The following GMPPA variants were observed in gnomAD, a reference collection of about 807,000 sequenced individuals.
The protein encoded by GMPPA is GDP-mannose pyrophosphorylase A.
Under a neutral mutation model 58.6 loss-of-function variants are expected in GMPPA, and 46 were observed. That is an observed-to-expected ratio of 0.78 (90% CI 0.62 to 1.00). GMPPA has a LOEUF of 1.00. Among genes scored for constraint, GMPPA ranks in the 50% least tolerant of loss-of-function variants. The pLI is 0.00. For synonymous variants in GMPPA, 211 were observed against 214.9 expected (o/e 0.98, Z 0.16); for missense variants, 468 against 556.4 (o/e 0.84, Z 1.60).
At position 219,505,258 on chromosome 2, in the gene GMPPA, A is replaced by G; in HGVS notation, c.651A>G (p.Ala217=). The G allele has an allele frequency of 6.2e-7, 1 of 1,614,084 alleles. No individual in the cohort carries two copies. The highest frequency in any genetic ancestry group is 8.5e-7 in the Non-Finnish European group (1 of 1,179,932). The stretch of plus-strand genomic sequence containing the variant: ...ACTCACCAGGCTTGTGGCCAGGGGC[A>G]GGTACCATCCGCCTAGAGCAGGATG... ...LEDSPGLWPG[A]GTIRLEQDVF... Residue 217 remains alanine, a synonymous_variant, in exon 8 of 13, where the codon GCA becomes GCG. Coordinates refer to ENST00000313597, the MANE Select transcript of GMPPA (RefSeq NM_013335.4).
chr2:219,506,287 T>A lies in GMPPA; in HGVS notation c.1027T>A (p.Trp343Arg). 6.2e-7 allele frequency: 1 copy of A among 1,613,690 alleles called. No homozygotes were observed. Among genetic ancestry groups the A allele is most frequent in the Non-Finnish European group, 8.5e-7 (1 of 1,179,810 alleles). ...HTCVLHSIVGWGSTVGRWARV... is the reference protein window; with the variant it reads ...HTCVLHSIVGRGSTVGRWARV... ...GTGTGTTCTGCATAGCATCGTGGGCTGGGGGAGCACCGTGGGACGCTGGGC... is the reference window on the plus strand; with the variant it reads ...GTGTGTTCTGCATAGCATCGTGGGCAGGGGGAGCACCGTGGGACGCTGGGC... The change falls in exon 12 of 13, where the codon TGG (tryptophan) becomes AGG (arginine). Residue 343 changes from tryptophan (W) to arginine (R), a missense_variant. Coordinates refer to ENST00000313597, the MANE Select transcript of GMPPA (RefSeq NM_013335.4).
At chr2:219,503,661 T>TG (rs1230030297) in intron 6 of GMPPA, among the ~76,000 whole-genome samples, 1 of 152,044 alleles carries the variant, frequency 6.6e-6, no homozygotes, top group Non-Finnish European at 1.5e-5. Flanking sequence ...GGGTGAGGCG[T>TG]GGCCAGAGTT....
Position 219,502,396 on chromosome 2 carries a change from A to G in GMPPA, c.444A>G (p.Gln148=), listed in dbSNP as rs955671286. The part of the protein sequence containing the change: ...LLLGTTANRT[Q]SLNYGCIVEN... ...CTGTCTTTCAGGCTAACAGGACGCA[A>G]TCCCTCAACTACGGCTGCATCGTTG... The change falls in exon 6 of 13, where the codon CAA becomes CAG. Residue 148 remains glutamine (Q), a synonymous_variant. Coordinates refer to ENST00000313597, the MANE Select transcript of GMPPA (RefSeq NM_013335.4). The surrounding 1 kb of genome is among the most constrained non-coding windows in gnomAD (Gnocchi z 4.0). 10 of 1,613,820 alleles carry G rather than the reference A, an allele frequency of 6.2e-6. No individual in the cohort carries two copies. The highest frequency in any genetic ancestry group is 1.3e-5 in the African/African-American group (1 of 74,888).
chr2:219,505,092 G>C, intron 7 of GMPPA, 136 bp from the exon 8 acceptor site: 1 of 1,044,332 alleles, frequency 9.6e-7, no homozygotes, highest in Non-Finnish European at 1.4e-6. Context: ...ATCCCAGAGA[G>C]GGCCGAACCA....
In GMPPA at chr2:219,504,047, C is replaced by G. The variant is rs373568790; in HGVS notation, c.490-36C>G. 1.2e-4 allele frequency: 195 copies of G among 1,612,646 alleles called. 1 individual carries two copies. The highest frequency in any genetic ancestry group is 2.7e-5 in the Non-Finnish European group (32 of 1,179,038). On this transcript the variant is annotated intron_variant, in intron 6 of 12. Transcript: ENST00000313597. The stretch of plus-strand genomic sequence containing the variant: ...GTCTTAGGGGACTGTGGCGGTAGTC[C>G]CTTCTTCTACTGAACCCAGCCTGCT...
chr2:219,506,075 A>C lies in GMPPA; in HGVS notation c.993+3A>C. ...TCCTCCATGGAGCCACTTTGCAGGT[A>C]GGTACCAGCATACACAGCAGCATGT... On this transcript the variant is annotated splice_donor_region_variant and intron_variant, in intron 11 of 12. Transcript: ENST00000313597. The C allele has an allele frequency of 6.4e-7, 1 of 1,571,300 alleles. No individual in the cohort carries two copies. Among genetic ancestry groups the C allele is most frequent in the Non-Finnish European group, 8.7e-7 (1 of 1,150,072 alleles).
intron 7 of GMPPA, chr2:219,504,948 A>C: frequency 6.1e-6 from 6 of 975,774 alleles, no homozygotes; most frequent in South Asian, 2.5e-5. Context: ...GGGGATGAGA[A>C]TGTGAAAATG....
At chr2:219,499,454 G>A (rs960528046) in intron 1 of GMPPA, among the ~76,000 whole-genome samples, 1 of 152,150 alleles carries the variant, frequency 6.6e-6, no homozygotes, top group Non-Finnish European at 1.5e-5. Flanking sequence ...GAATGAAGAC[G>A]CAACACTTTG....
chr2:219,501,744 C>T, intron 4 of GMPPA, 107 bp from the exon 5 acceptor site: 2 of 1,008,700 alleles, frequency 2.0e-6, no homozygotes, highest in Non-Finnish European at 3.1e-6. Context: ...CTCTGTGGGC[C>T]TTGGGCAGGA....
intron 3 of GMPPA, 174 bp downstream of exon 3, chr2:219,500,392 C>A (rs749169458): frequency 2.6e-5 from 16 of 607,586 alleles, no homozygotes; most frequent in Non-Finnish European, 3.8e-5. Context: ...CTGCTGTCTT[C>A]CCCTAATCTA....
rs1694613659 is a variant in GMPPA at position 219,506,874 on chromosome 2, G to A, written c.*76G>A. On this transcript the variant is annotated 3_prime_UTR_variant, in exon 13 of 13. Transcript: ENST00000313597. ...TGCCTGCTTGGCCAGCCTCTGTCCAGAAAGGACCAGAGAAAGCCAGGCTGG... is the reference window on the plus strand; with the variant it reads ...TGCCTGCTTGGCCAGCCTCTGTCCAAAAAGGACCAGAGAAAGCCAGGCTGG... The A allele has an allele frequency of 1.3e-6, 1 of 759,740 alleles. No homozygotes were observed. The highest frequency in any genetic ancestry group is 1.7e-5 in the African/African-American group (1 of 58,176). 47.1% of individuals were successfully genotyped at this position (759,740 alleles called of 1,614,324 possible).
Position 219,501,488 on chromosome 2 carries a change from CA to C in GMPPA, c.152del (p.Gln51ArgfsTer19). 5 of 1,598,012 alleles carry C rather than the reference CA, an allele frequency of 3.1e-6. No homozygotes were observed. Among genetic ancestry groups the C allele is most frequent in the Non-Finnish European group, 4.3e-6 (5 of 1,165,264 alleles). On this transcript the variant is annotated frameshift_variant, in exon 4 of 13. Transcript: ENST00000313597. LOFTEE classifies it high-confidence loss of function. Reference sequence around the variant, plus strand: ...CCCTTGTCCTCAGGTCCCTGGAATGCAGGAGATTCTGCTCATTGGCTTCTAC... The same window carrying C: ...CCCTTGTCCTCAGGTCCCTGGAATGCGGAGATTCTGCTCATTGGCTTCTAC... ...IEACAQVPGM[Q>X]EILLIGFYQP...
At chr2:219,504,310 T>TTCC in intron 7 of GMPPA, 97 bp downstream of exon 7, 1 of 1,168,694 alleles carries the variant, frequency 8.6e-7, no homozygotes, top group Non-Finnish European at 1.2e-6. Flanking sequence ...CTTGCTCACC[T>TTCC]TCCTCCTCCC....
rs1694617833 is a variant in GMPPA, at chr2:219,506,981, A to T, written c.*183A>T. The T allele has an allele frequency of 5.0e-6, 3 of 602,876 alleles. No individual in the cohort carries two copies. The highest frequency in any genetic ancestry group is 8.9e-6 in the Non-Finnish European group (3 of 337,276). 37.3% of individuals were successfully genotyped at this position (602,876 alleles called of 1,614,324 possible). Reference sequence around the variant, plus strand: ...TCCCGACTCCCTAATAAACCCCGTGAACCTTGGAGCCAGCACAGACTGTAC... The same window carrying T: ...TCCCGACTCCCTAATAAACCCCGTGTACCTTGGAGCCAGCACAGACTGTAC... On this transcript the variant is annotated 3_prime_UTR_variant, in exon 13 of 13. Transcript: ENST00000313597.
chr2:219,504,170 C>A lies in GMPPA; in HGVS notation c.577C>A (p.Pro193Thr), dbSNP rs373966812. ...CCTCTTTTCTCCTGAAGCCTTGAAG[C>A]CTCTTCGGGATGTCTTCCAGCGTAA... ...IYLFSPEALKPLRDVFQRNQQ... is the reference protein window; with the variant it reads ...IYLFSPEALKTLRDVFQRNQQ... The change falls in exon 7 of 13, where the codon CCT (proline) becomes ACT (threonine). Residue 193 changes from proline (P) to threonine (T), a missense_variant. Transcript: ENST00000313597. 20 of 1,613,702 alleles carry A rather than the reference C, an allele frequency of 1.2e-5. No homozygotes were observed. Among genetic ancestry groups the A allele is most frequent in the Admixed American group, 1.7e-5 (1 of 60,006 alleles).
At position 219,506,901 on chromosome 2, in the gene GMPPA, T is replaced by C; in HGVS notation, c.*103T>C. ...AAGGACCAGAGAAAGCCAGGCTGGA[T>C]CGTCACATGCCGGGGAGCAATGTGG... On this transcript the variant is annotated 3_prime_UTR_variant, in exon 13 of 13. Transcript: ENST00000313597. 1.5e-6 allele frequency: 1 copy of C among 685,724 alleles called. No individual in the cohort carries two copies. Among genetic ancestry groups the C allele is most frequent in the Non-Finnish European group, 2.7e-6 (1 of 373,674 alleles). The allele number at this position is 685,724 out of a possible 1,614,324, so 42.5% of individuals were successfully genotyped here.
chr2:219,502,201 C>G lies in GMPPA; in HGVS notation c.429+164C>G, dbSNP rs544318789. 2.0e-5 allele frequency among the ~76,000 whole-genome samples: 3 copies of G among 152,122 alleles called. No homozygotes were observed. The highest frequency in any genetic ancestry group is 4.8e-5 in the African/African-American group (2 of 41,418). On this transcript the variant is annotated intron_variant, in intron 5 of 12. Transcript: ENST00000313597. This position sits in a 1 kb window ranked among gnomAD's most constrained non-coding sequence, Gnocchi z 4.0. ...AGCATGGAGGTGTTAGTGGAGACCCCGAGCCCTCTGGCTGTTCAGAAGTAG... is the reference window on the plus strand; with the variant it reads ...AGCATGGAGGTGTTAGTGGAGACCCGGAGCCCTCTGGCTGTTCAGAAGTAG...
In GMPPA at chr2:219,502,244, G is replaced by A. The variant is rs560637789; in HGVS notation, c.430-138G>A. The stretch of plus-strand genomic sequence containing the variant: ...AGAAGTAGGGAGGGGGAGGGCAGCT[G>A]TCAGTTTCCACCCTTGCTGAAGGCC... On this transcript the variant is annotated intron_variant, in intron 5 of 12. Coordinates refer to ENST00000313597, the MANE Select transcript of GMPPA (RefSeq NM_013335.4). This position sits in a 1 kb window ranked among gnomAD's most constrained non-coding sequence, Gnocchi z 4.0. The A allele has an allele frequency of 2.3e-6, 2 of 871,602 alleles. No homozygotes were observed. Among genetic ancestry groups the A allele is most frequent in the Non-Finnish European group, 3.7e-6 (2 of 536,818 alleles). 54.0% of individuals were successfully genotyped at this position (871,602 alleles called of 1,614,324 possible). A position where few individuals can be genotyped will look rare whatever the true frequency, so the allele number is the denominator to read the frequency against.
At position 219,500,537 on chromosome 2, in the gene GMPPA, A is replaced by G. The variant is rs563459633; in HGVS notation, c.138+319A>G. On this transcript the variant is annotated intron_variant, in intron 3 of 12. Coordinates refer to ENST00000313597, the MANE Select transcript of GMPPA (RefSeq NM_013335.4). Reference sequence around the variant, plus strand: ...CTTAATGATAACCAAGCACAAATTCATATCCTTGATCACATTGTTGCTCAT... The same window carrying G: ...CTTAATGATAACCAAGCACAAATTCGTATCCTTGATCACATTGTTGCTCAT... 1.0e-5 allele frequency: 4 copies of G among 390,102 alleles called. No homozygotes were observed. The East Asian group carries it at 1.9e-4, about 19-fold the overall frequency. The allele number at this position is 390,102 out of a possible 1,614,324, so 24.2% of individuals were successfully genotyped here. A position where few individuals can be genotyped will look rare whatever the true frequency, so the allele number is the denominator to read the frequency against.
Sources: allele counts gnomAD v4.1 joint callset (sites outside exome capture counted in the v4.1 genomes callset), GRCh38; gene constraint gnomAD v4.1.1; non-coding constraint Gnocchi (gnomAD v3.1); transcripts MANE v1.5; gene names NCBI Gene and HGNC (gene_info 2026-07-23, HGNC 2026-07-21).